CDC42SE2: variants seen among roughly 807,000 people sequenced by gnomAD.
CDC42SE2 encodes the protein CDC42 small effector protein 2.
A neutral mutation model predicts 11.5 loss-of-function variants in CDC42SE2; 3 were observed. The observed-to-expected ratio is 0.26, with a 90% CI of 0.12 to 0.67. The LOEUF (loss-of-function observed/expected upper bound fraction) is 0.67. Among genes scored for constraint, CDC42SE2 ranks in the 30% least tolerant of loss-of-function variants. The pLI is 0.80. For synonymous variants in CDC42SE2, 33 were observed against 34.8 expected, an observed-to-expected ratio of 0.95 and a Z score of 0.18; for missense variants, 82 against 106.8, an observed-to-expected ratio of 0.77 and a Z score of 1.02.
At chr5:131,257,387 G>A (rs1367381946) in intron 2 of CDC42SE2, among the ~76,000 whole-genome samples, 3 of 152,034 alleles carry the variant, frequency 2.0e-5, no homozygotes, top group East Asian at 1.9e-4. Context: ...ATGAGCCACC[G>A]TGCCCGGCCT....
upstream of CDC42SE2, among the ~76,000 whole-genome samples, chr5:131,259,404 A>T (rs1162727332): frequency 6.6e-6 from 1 of 151,452 alleles, no homozygotes; most frequent in Admixed American, 6.6e-5. Context: ...AATTTATATA[A>T]CATTGGTCAA....
chr5:131,314,431 G>T (rs1365004735), intron 1 of CDC42SE2, among the ~76,000 whole-genome samples: 1 of 151,924 alleles, frequency 6.6e-6, no homozygotes, highest in Non-Finnish European at 1.5e-5. Context: ...TGTTGAGACA[G>T]GGTCTCCCTG....
chr5:131,342,000 C>T (rs956694576), intron 2 of CDC42SE2, among the ~76,000 whole-genome samples: 19 of 151,936 alleles, frequency 1.3e-4, no homozygotes, highest in African/African-American at 3.9e-4. Context: ...GTTAATACCA[C>T]GCTGGGCACG....
At chr5:131,320,858 G>A (rs529920887) in intron 2 of CDC42SE2, among the ~76,000 whole-genome samples, 1 of 152,300 alleles carries the variant, frequency 6.6e-6, no homozygotes, top group South Asian at 2.1e-4. Context: ...TATGATGAAA[G>A]CACGTATCGG....
upstream of CDC42SE2, among the ~76,000 whole-genome samples, chr5:131,243,378 G>A (rs1007043779): frequency 6.6e-6 from 1 of 152,172 alleles, no homozygotes; most frequent in Non-Finnish European, 1.5e-5. Flanking sequence ...AGGAGCTCGA[G>A]ACCATCCTGG....
chr5:131,322,508 A>G (rs1408141317), intron 2 of CDC42SE2, among the ~76,000 whole-genome samples: 1 of 151,862 alleles, frequency 6.6e-6, no homozygotes, highest in East Asian at 1.9e-4. Flanking sequence ...CTTCCTTTTT[A>G]TTTTTATTTT....
intron 1 of CDC42SE2, among the ~76,000 whole-genome samples, chr5:131,273,301 G>A (rs180870577): frequency 2.5e-4 from 37 of 149,248 alleles, no homozygotes; most frequent in African/African-American, 8.3e-4. Context: ...GACTACAGGC[G>A]CCCATCACCA....
chr5:131,376,972 G>A (rs1339743382), intron 3 of CDC42SE2, among the ~76,000 whole-genome samples: 1 of 152,038 alleles, frequency 6.6e-6, no homozygotes, highest in Non-Finnish European at 1.5e-5. Context: ...GTGTCTTTAT[G>A]GTAGAATGAT....
chr5:131,383,915 A>G (rs1357239394), intron 3 of CDC42SE2, among the ~76,000 whole-genome samples: 1 of 152,238 alleles, frequency 6.6e-6, no homozygotes, highest in Non-Finnish European at 1.5e-5. Context: ...TATAAAGAGA[A>G]ATAAAGGATG....
intron 2 of CDC42SE2, among the ~76,000 whole-genome samples, 180 bp from the exon 3 acceptor site, chr5:131,359,029 C>T (rs528428182): frequency 6.6e-6 from 1 of 152,244 alleles, no homozygotes; most frequent in Admixed American, 6.5e-5. Flanking sequence ...TACTACTACA[C>T]CTAGAACTTG....
chr5:131,321,623 CTG>C (rs1326769902), intron 2 of CDC42SE2, among the ~76,000 whole-genome samples: 3 of 152,190 alleles, frequency 2.0e-5, no homozygotes, highest in Admixed American at 2.0e-4. Context: ...CATAAAGTAT[CTG>C]TGAAAGGCTA....
At chr5:131,365,710 T>C (rs1030145847) in intron 3 of CDC42SE2, among the ~76,000 whole-genome samples, 25 of 152,128 alleles carry the variant, frequency 1.6e-4, no homozygotes, top group South Asian at 8.3e-4. Flanking sequence ...GGGCCTGGCG[T>C]GGTGGCTCAC....
chr5:131,231,114 A>G, the CDC42SE2 span, among the ~76,000 whole-genome samples: 1 of 152,144 alleles, frequency 6.6e-6, no homozygotes, highest in Non-Finnish European at 1.5e-5. Context: ...ATTTTGTATC[A>G]AAGTTATACC....
chr5:131,331,004 T>C (rs1758410088), intron 2 of CDC42SE2, among the ~76,000 whole-genome samples: 1 of 151,984 alleles, frequency 6.6e-6, no homozygotes, highest in African/African-American at 2.4e-5. Context: ...GCAGCCTGGG[T>C]AACAGAGCGA....
chr5:131,283,914 A>G (rs1285861432), intron 1 of CDC42SE2, among the ~76,000 whole-genome samples: 2 of 152,270 alleles, frequency 1.3e-5, no homozygotes, highest in East Asian at 3.8e-4. Flanking sequence ...TAATGCTGCT[A>G]TAAATATGAA....
At chr5:131,313,748 C>T (rs368227591) in intron 1 of CDC42SE2, among the ~76,000 whole-genome samples, 2 of 152,158 alleles carry the variant, frequency 1.3e-5, no homozygotes, top group South Asian at 4.1e-4. Context: ...TTGTATAAGG[C>T]TTCCAAAATT....
chr5:131,369,663 T>G (rs1305030549), intron 3 of CDC42SE2, among the ~76,000 whole-genome samples: 2 of 152,192 alleles, frequency 1.3e-5, no homozygotes, highest in African/African-American at 4.8e-5. Context: ...GTTTTGCATT[T>G]TAATATGAGA....
chr5:131,270,386 T>G (rs1166228335), intron 1 of CDC42SE2, among the ~76,000 whole-genome samples: 1 of 151,672 alleles, frequency 6.6e-6, no homozygotes. Flanking sequence ...AAGAAAAAAA[T>G]AAAAAAATAA....
the CDC42SE2 span, among the ~76,000 whole-genome samples, chr5:131,229,937 A>T: frequency 6.6e-6 from 1 of 152,322 alleles, no homozygotes; most frequent in East Asian, 1.9e-4. Flanking sequence ...TTGTCTCAAA[A>T]AAAGAAAAAA....
Sources: gnomAD v4.1 joint callset for allele counts (sites outside exome capture counted in the v4.1 genomes callset) on GRCh38, gnomAD v4.1.1 for gene constraint, MANE v1.5 for transcripts, NCBI Gene and HGNC (gene_info 2026-07-23, HGNC 2026-07-21) for gene names.